Variants in TMEM232 observed in about 807,000 individuals in gnomAD.
The protein encoded by TMEM232 is transmembrane protein 232.
In TMEM232, 80 loss-of-function variants were observed where a neutral mutation model predicts 78.8. The ratio of observed to expected loss-of-function variants is 1.01; its 90% CI spans 0.85 to 1.22. The LOEUF (loss-of-function observed/expected upper bound fraction) is 1.22, where lower values mean the gene tolerates loss of function less well. Ranked by LOEUF, TMEM232 falls within the 50% of genes most tolerant of loss-of-function variation. The pLI, the probability that TMEM232 is intolerant of heterozygous loss-of-function variation, is 0.00. For synonymous variants in TMEM232, 297 were observed against 254.3 expected (o/e 1.17, Z -1.60); for missense variants, 881 against 742.2 (o/e 1.19, Z -2.17).
At chr5:110,735,579 G>A (rs72773191) in intron 1 of TMEM232, among the ~76,000 whole-genome samples, 14,033 of 152,082 alleles carry the variant, frequency 0.092, 750 homozygotes, top group South Asian at 0.2. Flanking sequence ...GCTATTGTTT[G>A]ATAATCCTCC....
intron 7 of TMEM232, among the ~76,000 whole-genome samples, chr5:110,619,782 C>T (rs569519352): frequency 6.6e-6 from 1 of 152,106 alleles, no homozygotes; most frequent in African/African-American, 2.4e-5. Context: ...CCTCAGATTG[C>T]AAACTTATTT....
chr5:110,513,400 G>A (rs116612942), intron 12 of TMEM232, among the ~76,000 whole-genome samples: 2,653 of 152,070 alleles, frequency 0.017, 59 homozygotes, highest in African/African-American at 0.05. Flanking sequence ...TTCAGTAAGT[G>A]GTTAATATTT....
intron 2 of TMEM232, among the ~76,000 whole-genome samples, chr5:110,666,378 T>C (rs1445307452): frequency 6.6e-6 from 1 of 152,220 alleles, no homozygotes; most frequent in Non-Finnish European, 1.5e-5. Flanking sequence ...ATACATTTAA[T>C]TGACTTGGTC....
intron 12 of TMEM232, among the ~76,000 whole-genome samples, chr5:110,455,014 AATC>A (rs1235084669): frequency 3.3e-5 from 5 of 152,306 alleles, no homozygotes; most frequent in South Asian, 4.1e-4. Flanking sequence ...TAGACATGAA[AATC>A]ATCATAATAA....
At chr5:110,508,119 C>A (rs940827541) in intron 12 of TMEM232, among the ~76,000 whole-genome samples, 17 of 152,084 alleles carry the variant, frequency 1.1e-4, no homozygotes, top group South Asian at 8.3e-4. Flanking sequence ...GGAAAAAAAA[C>A]CCCAAGGGGA....
rs574444325 is a variant in TMEM232 at position 110,477,732 on chromosome 5, T to C, written c.1703+50856A>G. ...AATTCATAATGATGATAAACCATTG[T>C]CAACTTACTACATCAACATCCATCA... On this transcript the variant is annotated intron_variant, in intron 12 of 13. Coordinates refer to ENST00000455884, the MANE Select transcript of TMEM232 (RefSeq NM_001039763.4). Among the ~76,000 whole-genome samples, 5 of 152,010 alleles carry C rather than the reference T, an allele frequency of 3.3e-5. No individual in the cohort carries two copies. In the South Asian group the frequency reaches 8.3e-4, roughly 25 times the overall value.
At chr5:110,464,450 A>C (rs1761862099) in intron 12 of TMEM232, among the ~76,000 whole-genome samples, 1 of 152,200 alleles carries the variant, frequency 6.6e-6, no homozygotes. Flanking sequence ...ATCTAGACTT[A>C]TGAATGCTTC....
At chr5:110,426,193 C>T (rs932599858) in intron 12 of TMEM232, among the ~76,000 whole-genome samples, 2 of 151,910 alleles carry the variant, frequency 1.3e-5, no homozygotes, top group Non-Finnish European at 2.9e-5. Flanking sequence ...TCAGTTCAAG[C>T]CCATTACCAT....
At chr5:110,584,241 A>C (rs1471504260) in intron 10 of TMEM232, among the ~76,000 whole-genome samples, 1 of 151,926 alleles carries the variant, frequency 6.6e-6, no homozygotes, top group Non-Finnish European at 1.5e-5. Context: ...AAGATACGGA[A>C]ACAACCTAAA....
chr5:110,685,130 A>C (rs905392798), intron 1 of TMEM232, among the ~76,000 whole-genome samples: 54 of 152,298 alleles, frequency 3.5e-4, no homozygotes, highest in African/African-American at 1.2e-3. Context: ...GGCTCAAAAA[A>C]AGAAATAACA....
intron 2 of TMEM232, among the ~76,000 whole-genome samples, chr5:110,401,733 T>C (rs556623625): frequency 6.6e-6 from 1 of 152,078 alleles, no homozygotes; most frequent in South Asian, 2.1e-4. Flanking sequence ...TCACCCAATA[T>C]ACTTTTAATT....
At chr5:110,465,642 C>A (rs555761235) in intron 12 of TMEM232, among the ~76,000 whole-genome samples, 2 of 152,244 alleles carry the variant, frequency 1.3e-5, no homozygotes, top group South Asian at 4.1e-4. Context: ...CACATATAGA[C>A]AACTAATCTA....
At chr5:110,722,261 A>T (rs762861997) in intron 1 of TMEM232, among the ~76,000 whole-genome samples, 1 of 152,020 alleles carries the variant, frequency 6.6e-6, no homozygotes, top group Non-Finnish European at 1.5e-5. Context: ...TCACTCCAAA[A>T]CTCACTGCCA....
chr5:110,643,292 T>C (rs1017185867), intron 2 of TMEM232, among the ~76,000 whole-genome samples: 1 of 151,922 alleles, frequency 6.6e-6, no homozygotes, highest in Non-Finnish European at 1.5e-5. Context: ...GCCATCCAAG[T>C]GGAGATGGAG....
intron 1 of TMEM232, among the ~76,000 whole-genome samples, chr5:110,692,611 G>T (rs1016804858): frequency 2.6e-5 from 4 of 152,184 alleles, no homozygotes; most frequent in Non-Finnish European, 4.4e-5. Context: ...CTAATACTGC[G>T]CTTTTCCAAC....
downstream of TMEM232, chr5:110,417,612 CTTTTTCTTT>C (rs1227387319): frequency 7.6e-5 from 9 of 118,700 alleles, no homozygotes; most frequent in African/African-American, 2.7e-4. Context: ...AAACTTTTTT[CTTTTTCTTT>C]TTTTTTTTTT....
At chr5:110,492,048 A>G (rs1765158642) in intron 12 of TMEM232, among the ~76,000 whole-genome samples, 1 of 151,946 alleles carries the variant, frequency 6.6e-6, no homozygotes, top group Non-Finnish European at 1.5e-5. Context: ...AAACATGCAA[A>G]AAAAACAGAT....
chr5:110,728,116 G>A (rs28668571), upstream of TMEM232, among the ~76,000 whole-genome samples: 25,895 of 151,794 alleles, frequency 0.17, 3,169 homozygotes, highest in African/African-American at 0.35. Context: ...CATAATATAA[G>A]AATCAGTTGA....
intron 10 of TMEM232, among the ~76,000 whole-genome samples, chr5:110,600,375 C>G (rs1274230669): frequency 1.3e-5 from 2 of 152,042 alleles, no homozygotes; most frequent in Non-Finnish European, 2.9e-5. Context: ...AATCCAGGAG[C>G]TGGTTTTTGG....
Sources: allele counts gnomAD v4.1 joint callset (sites outside exome capture counted in the v4.1 genomes callset), GRCh38; gene constraint gnomAD v4.1.1; transcripts MANE v1.5; gene names NCBI Gene and HGNC (gene_info 2026-07-23, HGNC 2026-07-21).